Variants in HMGA2 observed in about 807,000 individuals in gnomAD.
HMGA2 encodes the protein high mobility group protein HMGI-C.
HMGA2 carries 8 observed loss-of-function variants against 19.1 expected under a neutral mutation model. That is an observed-to-expected ratio of 0.42 (90% CI 0.25 to 0.76). The LOEUF (loss-of-function observed/expected upper bound fraction) is 0.76, where lower values mean the gene tolerates loss of function less well. HMGA2 is among the 30% of genes least tolerant of loss of function. The pLI, the probability that HMGA2 is intolerant of heterozygous loss-of-function variation, is 0.28. For synonymous variants in HMGA2, 60 were observed against 48.8 expected, an observed-to-expected ratio of 1.23 and a Z score of -0.96; for missense variants, 109 against 136.3, an observed-to-expected ratio of 0.80 and a Z score of 1.00.
At chr12:65,852,734 C>T (rs1191349204) in intron 3 of HMGA2, among the ~76,000 whole-genome samples, 1 of 152,032 alleles carries the variant, frequency 6.6e-6, no homozygotes, top group African/African-American at 2.4e-5. Context: ...CAAAAGAATT[C>T]CAACATGAAA....
chr12:65,874,863 AAGAG>A (rs1193335541), intron 3 of HMGA2, among the ~76,000 whole-genome samples: 2 of 152,172 alleles, frequency 1.3e-5, no homozygotes, highest in African/African-American at 4.8e-5. Flanking sequence ...ATCTCAGAAA[AAGAG>A]AGTCACATTT....
rs1565697535 is a variant in HMGA2 at position 65,824,729 on chromosome 12, C to CTCTCTCTCTG, written c.-533_-532insGTCTCTCTCT. ...CTCAATCTCTTCTCTCTCTCTCTCTCTCTCTCTCTCTCTCTCTCTCTCTCT... is the reference window on the plus strand; with the variant it reads ...CTCAATCTCTTCTCTCTCTCTCTCTCTCTCTCTCTGTCTCTCTCTCTCTCTCTCTCTCTCT... On this transcript the variant is annotated 5_prime_UTR_variant, in exon 1 of 5. Transcript: ENST00000403681. 5 of 188,682 alleles carry CTCTCTCTCTG rather than the reference C, an allele frequency of 2.6e-5. No homozygotes were observed. Among genetic ancestry groups the CTCTCTCTCTG allele is most frequent in the African/African-American group, 1.6e-4 (5 of 31,788 alleles). 11.7% of individuals were successfully genotyped at this position (188,682 alleles called of 1,614,324 possible). A position where few individuals can be genotyped will look rare whatever the true frequency, so the allele number is the denominator to read the frequency against.
intron 3 of HMGA2, among the ~76,000 whole-genome samples, chr12:65,931,969 G>A (rs545373465): frequency 2.0e-5 from 3 of 152,156 alleles, no homozygotes; most frequent in Admixed American, 6.5e-5. Context: ...TGGATAATCC[G>A]GTTACCTTCA....
chr12:65,878,355 A>G (rs1301804000), intron 3 of HMGA2, among the ~76,000 whole-genome samples: 14 of 152,214 alleles, frequency 9.2e-5, no homozygotes, highest in Admixed American at 6.5e-4. Flanking sequence ...TTGTTCTAAC[A>G]CTGAATGCAA....
chr12:65,844,246 G>A (rs1180772444), intron 3 of HMGA2, among the ~76,000 whole-genome samples: 2 of 151,974 alleles, frequency 1.3e-5, no homozygotes, highest in African/African-American at 4.8e-5. Context: ...CCATTATCAC[G>A]TGCTTTAAAA....
intron 3 of HMGA2, among the ~76,000 whole-genome samples, chr12:65,872,386 C>T (rs556624941): frequency 1.6e-4 from 24 of 152,258 alleles, no homozygotes; most frequent in Admixed American, 2.6e-4. Context: ...GCCCTCTGCA[C>T]GTCGCTCGTC....
intron 3 of HMGA2, among the ~76,000 whole-genome samples, chr12:65,890,994 G>A (rs1873881171): frequency 6.6e-6 from 1 of 152,180 alleles, no homozygotes. Context: ...GCCTCCCAAA[G>A]TGCTGGGATT....
intron 3 of HMGA2, among the ~76,000 whole-genome samples, chr12:65,843,841 G>A (rs1480832364): frequency 1.3e-5 from 2 of 152,168 alleles, no homozygotes; most frequent in Admixed American, 1.3e-4. Flanking sequence ...TTGAGGCCAG[G>A]AGTTCGAGAC....
At chr12:65,925,933 T>C (rs187469574) in intron 3 of HMGA2, among the ~76,000 whole-genome samples, 7 of 152,320 alleles carry the variant, frequency 4.6e-5, no homozygotes, top group East Asian at 1.9e-4. Flanking sequence ...TTCTGTTGTA[T>C]TGGGGAACGC....
intron 3 of HMGA2, among the ~76,000 whole-genome samples, chr12:65,845,192 T>C (rs1871181102): frequency 6.6e-6 from 1 of 152,220 alleles, no homozygotes; most frequent in Non-Finnish European, 1.5e-5. Flanking sequence ...AGTAAAATGA[T>C]TATATTCCAG....
intron 3 of HMGA2, chr12:65,914,594 G>C (rs923042761): frequency 8.1e-6 from 2 of 247,140 alleles, no homozygotes; most frequent in Non-Finnish European, 1.6e-5. Flanking sequence ...GTATACATAT[G>C]TAACTAACCT....
chr12:65,893,439 G>T (rs1356117503), intron 3 of HMGA2, among the ~76,000 whole-genome samples: 1 of 152,140 alleles, frequency 6.6e-6, no homozygotes, highest in Non-Finnish European at 1.5e-5. Flanking sequence ...CTTCCTGAGG[G>T]TACAAGTTTC....
chr12:65,852,170 A>G (rs1258102654), intron 3 of HMGA2, among the ~76,000 whole-genome samples: 1 of 152,168 alleles, frequency 6.6e-6, no homozygotes, highest in East Asian at 1.9e-4. Context: ...CCTTGCAATC[A>G]TAAGGTAACA....
At chr12:65,959,922 C>T (rs1876704678) in intron 4 of HMGA2, among the ~76,000 whole-genome samples, 1 of 152,038 alleles carries the variant, frequency 6.6e-6, no homozygotes, top group Admixed American at 6.6e-5. Context: ...CGGAGTCTTG[C>T]TCTGTCGCCC....
intron 3 of HMGA2, among the ~76,000 whole-genome samples, chr12:65,904,292 C>G (rs1358546043): frequency 6.6e-6 from 1 of 152,198 alleles, no homozygotes; most frequent in Non-Finnish European, 1.5e-5. Context: ...CAGTCTACCT[C>G]TAGATTATAG....
chr12:65,871,863 A>G (rs1411803625), intron 3 of HMGA2, among the ~76,000 whole-genome samples: 2 of 152,238 alleles, frequency 1.3e-5, no homozygotes, highest in African/African-American at 4.8e-5. Context: ...TTGATTACCA[A>G]CAATATATTT....
At chr12:65,949,069 T>C (rs1281483256) in intron 3 of HMGA2, among the ~76,000 whole-genome samples, 1 of 152,146 alleles carries the variant, frequency 6.6e-6, no homozygotes, top group Non-Finnish European at 1.5e-5. Flanking sequence ...CCTTTGGAAA[T>C]GAATCCTCTA....
rs186533313 is a variant in HMGA2, at chr12:65,918,542, G to A, written c.250-32841G>A. On this transcript the variant is annotated intron_variant, in intron 3 of 4. Transcript: ENST00000403681. ...TTTCAGACACTTTGTATGCAGTGAT[G>A]ACATAAATAAGAAAAATGGCCTTGA... is the stretch of plus-strand genomic sequence containing the variant. Among the ~76,000 whole-genome samples the A allele has an allele frequency of 3.2e-4, 49 of 152,270 alleles. 1 individual carries two copies. The Middle Eastern group carries it at 0.01, about 32-fold the overall frequency.
At chr12:65,952,475 T>C (rs1312971444) in intron 4 of HMGA2, 48 of 1,530,278 alleles carry the variant, frequency 3.1e-5, no homozygotes, top group Non-Finnish European at 4.2e-5. Flanking sequence ...CCAAGGAAAG[T>C]GTCTTCAAAC....
Sources: allele counts gnomAD v4.1 joint callset (sites outside exome capture counted in the v4.1 genomes callset), GRCh38; gene constraint gnomAD v4.1.1; transcripts MANE v1.5; gene names NCBI Gene and HGNC (gene_info 2026-07-23, HGNC 2026-07-21).